Variants in BCAS3 observed in about 807,000 individuals in gnomAD.
BCAS3 encodes the protein BCAS4/BCAS3 fusion.
BCAS3 carries 53 observed loss-of-function variants against 116.1 expected under a neutral mutation model. That is an observed-to-expected ratio of 0.46 (90% confidence interval 0.37 to 0.57). BCAS3 has a LOEUF of 0.57. BCAS3 is among the 20% of genes least tolerant of loss of function. The pLI is 0.00. For missense variants in BCAS3, 917 were observed against 1,165.4 expected (o/e 0.79, Z 3.10); for synonymous variants, 391 against 408.2 (o/e 0.96, Z 0.51).
At position 61,078,419 on chromosome 17, in the gene BCAS3, A is replaced by T; in HGVS notation, c.2217A>T (p.Gln739His). ...FQFKTIHPSG[Q>H]TTVISSSSSV... Reference sequence around the variant, plus strand: ...TCAAAACCATCCATCCCTCAGGCCAAACCACAGTTATCTCATCCAGTTCAT... The same window carrying T: ...TCAAAACCATCCATCCCTCAGGCCATACCACAGTTATCTCATCCAGTTCAT... The change falls in exon 21 of 24, where the codon CAA becomes CAT. Residue 739 changes from glutamine (Q) to histidine (H), a missense_variant. Coordinates refer to ENST00000407086, the MANE Select transcript of BCAS3 (RefSeq NM_017679.5). 1 of 1,614,154 alleles carries T rather than the reference A, an allele frequency of 6.2e-7. No individual in the cohort carries two copies. Among genetic ancestry groups the T allele is most frequent in the African/African-American group, 1.3e-5 (1 of 75,038 alleles).
chr17:61,186,989 C>T lies in BCAS3; in HGVS notation c.2425+102425C>T, dbSNP rs760209921. Among the ~76,000 whole-genome samples, 13 of 152,178 alleles carry T rather than the reference C, an allele frequency of 8.5e-5. No individual in the cohort carries two copies. Among genetic ancestry groups the T allele is most frequent in the Non-Finnish European group, 1.3e-4 (9 of 68,032 alleles). ...CCTCCCAAAGTGCTGGGATTACAAG[C>T]GTGAGCCACTGCGCCCAGCCAACAG... On this transcript the variant is annotated intron_variant, in intron 22 of 23. Transcript: ENST00000407086. The surrounding 1 kb of genome is among the most constrained non-coding windows in gnomAD (Gnocchi z 4.9).
intron 22 of BCAS3, among the ~76,000 whole-genome samples, chr17:61,109,184 C>CAAAAA (rs4011679): frequency 1.7e-5 from 1 of 57,422 alleles, no homozygotes; most frequent in African/African-American, 5.0e-5. Flanking sequence ...GACTTTGTCT[C>CAAAAA]AAAAAAAAAA....
rs576992124 is a variant in BCAS3 at position 61,018,554 on chromosome 17, G to A, written c.1637+2653G>A. Among the ~76,000 whole-genome samples, 26 of 151,848 alleles carry A rather than the reference G, an allele frequency of 1.7e-4. No individual in the cohort carries two copies. The South Asian group carries it at 4.8e-3, about 28-fold the overall frequency. On this transcript the variant is annotated intron_variant, in intron 16 of 23. Coordinates refer to ENST00000407086, the MANE Select transcript of BCAS3 (RefSeq NM_017679.5). ...TGACCTCAAGTGATCCACCTGCCTC[G>A]GCCTCCCAAAGTGCTGGGATTACAG...
At chr17:61,045,523 A>G (rs951011047) in intron 19 of BCAS3, among the ~76,000 whole-genome samples, 14 of 150,378 alleles carry the variant, frequency 9.3e-5, no homozygotes, top group African/African-American at 2.2e-4. Context: ...AAGAAAGAAA[A>G]AAAAAAAAAG....
chr17:60,854,931 T>A (rs2053523500), intron 7 of BCAS3, among the ~76,000 whole-genome samples: 1 of 151,850 alleles, frequency 6.6e-6, no homozygotes, highest in Non-Finnish European at 1.5e-5. Context: ...CTTATTTTTC[T>A]TATTTATTTT....
chr17:60,692,005 A>T (rs939225540), intron 4 of BCAS3, among the ~76,000 whole-genome samples: 2 of 151,562 alleles, frequency 1.3e-5, no homozygotes, highest in African/African-American at 4.8e-5. Flanking sequence ...AGCCGAGAAC[A>T]TGCCATTGCA....
In BCAS3 at chr17:61,386,948, T is replaced by C. The variant is rs1277984557; in HGVS notation, c.2594-5029T>C. Among the ~76,000 whole-genome samples, 5 of 152,196 alleles carry C rather than the reference T, an allele frequency of 3.3e-5. No homozygotes were observed. The East Asian group carries it at 9.6e-4, about 29-fold the overall frequency. ...CACGTGCTACCACACCTGGCTAATC[T>C]TTTAATTTTTGGACACGGTTTTGCT... On this transcript the variant is annotated intron_variant, in intron 23 of 23. Transcript: ENST00000407086.
rs552327309 is a variant in BCAS3, at chr17:61,089,630, A to T, written c.2425+5066A>T. ...CTGCAACCTCCGCCTCCTGGGTTCAAGCCATTCTCCTGCCTCAGCCTCCCA... is the reference window on the plus strand; with the variant it reads ...CTGCAACCTCCGCCTCCTGGGTTCATGCCATTCTCCTGCCTCAGCCTCCCA... On this transcript the variant is annotated intron_variant, in intron 22 of 23. Transcript: ENST00000407086. 1.6e-3 allele frequency among the ~76,000 whole-genome samples: 229 copies of T among 145,298 alleles called. 1 individual carries two copies. The highest frequency in any genetic ancestry group is 5.6e-3 in the African/African-American group (216 of 38,652).
intron 13 of BCAS3, among the ~76,000 whole-genome samples, chr17:60,934,129 T>C (rs1599787252): frequency 6.6e-6 from 1 of 152,184 alleles, no homozygotes. Context: ...AAAACATGGT[T>C]TTAAGTTAAT....
At chr17:60,872,683 C>T (rs2055233135) in intron 8 of BCAS3, among the ~76,000 whole-genome samples, 1 of 150,280 alleles carries the variant, frequency 6.7e-6, no homozygotes. Context: ...CATACACACA[C>T]ATACACCATA....
intron 19 of BCAS3, among the ~76,000 whole-genome samples, chr17:61,064,524 G>A (rs1394868996): frequency 6.6e-6 from 1 of 152,088 alleles, no homozygotes; most frequent in African/African-American, 2.4e-5. Context: ...CTTGGTAGCA[G>A]GAACAATAAA....
chr17:61,141,914 AAAAAAAGTT>A lies in BCAS3; in HGVS notation c.2425+57352_2425+57360del, dbSNP rs1601543572. Among the ~76,000 whole-genome samples the A allele has an allele frequency of 3.0e-5, 1 of 32,834 alleles. No individual in the cohort carries two copies. Among genetic ancestry groups the A allele is most frequent in the East Asian group, 1.2e-3 (1 of 850 alleles). The allele number at this position is 32,834 out of a possible 152,430, so 21.5% of individuals were successfully genotyped here. On this transcript the variant is annotated intron_variant, in intron 22 of 23. Transcript: ENST00000407086. This position sits in a 1 kb window ranked among gnomAD's most constrained non-coding sequence, Gnocchi z 4.3. ...GACCCCACCTCAAGAAAAAAAAAAA[AAAAAAAGTT>A]AGACAATTATACAGAGATACTCAAG... is the stretch of plus-strand genomic sequence containing the variant.
At chr17:60,769,128 C>G (rs1355875827) in intron 6 of BCAS3, among the ~76,000 whole-genome samples, 1 of 152,150 alleles carries the variant, frequency 6.6e-6, no homozygotes, top group East Asian at 1.9e-4. Context: ...GGGTGATTTC[C>G]AAGTCCGTGG....
rs1245495639 is a variant in BCAS3 at position 61,134,150 on chromosome 17, T to C, written c.2425+49586T>C. On this transcript the variant is annotated intron_variant, in intron 22 of 23. Coordinates refer to ENST00000407086, the MANE Select transcript of BCAS3 (RefSeq NM_017679.5). This position sits in a 1 kb window ranked among gnomAD's most constrained non-coding sequence, Gnocchi z 4.6. ...ATAGTCTGCTATAGTCTGGCCAGTA[T>C]GAATTAAATAAAAGTCACATTCATA... 6.6e-6 allele frequency among the ~76,000 whole-genome samples: 1 copy of C among 152,198 alleles called. No homozygotes were observed. Among genetic ancestry groups the C allele is most frequent in the Non-Finnish European group, 1.5e-5 (1 of 68,034 alleles).
intron 1 of BCAS3, 91 bp from the exon 2 acceptor site, chr17:60,679,362 T>A: frequency 1.2e-6 from 1 of 862,456 alleles, no homozygotes; most frequent in Non-Finnish European, 1.8e-6. Context: ...TGACAAGGGA[T>A]CTCTAGTGAG....
chr17:60,777,614 C>T (rs558208859), intron 6 of BCAS3, among the ~76,000 whole-genome samples: 7 of 151,830 alleles, frequency 4.6e-5, no homozygotes, highest in Admixed American at 2.0e-4. Context: ...TGACAGAGCG[C>T]GACTCTGTCT....
intron 4 of BCAS3, among the ~76,000 whole-genome samples, chr17:60,699,638 C>G (rs2036118626): frequency 6.6e-6 from 1 of 152,126 alleles, no homozygotes; most frequent in Admixed American, 6.6e-5. Context: ...CAGTGAATTC[C>G]TGTCAAAAGA....
intron 22 of BCAS3, among the ~76,000 whole-genome samples, chr17:61,335,957 C>G (rs1305177959): frequency 6.6e-6 from 1 of 152,254 alleles, no homozygotes. Flanking sequence ...TGTCTTTAGA[C>G]CTCACCCCAA....
At chr17:60,833,104 C>T (rs1337167275) in intron 7 of BCAS3, among the ~76,000 whole-genome samples, 3 of 152,052 alleles carry the variant, frequency 2.0e-5, no homozygotes, top group African/African-American at 7.2e-5. Flanking sequence ...TGAGCTCAAG[C>T]GATCCTCCCA....
Sources: allele counts gnomAD v4.1 joint callset (sites outside exome capture counted in the v4.1 genomes callset), GRCh38; gene constraint gnomAD v4.1.1; non-coding constraint Gnocchi (gnomAD v3.1); transcripts MANE v1.5; gene names NCBI Gene and HGNC (gene_info 2026-07-23, HGNC 2026-07-21).